SUSD4: variants seen among roughly 807,000 people sequenced by gnomAD.
SUSD4 encodes sushi domain containing 4.
In SUSD4, 41 loss-of-function variants were observed where a neutral mutation model predicts 50.5. The ratio of observed to expected loss-of-function variants is 0.81; its 90% confidence interval spans 0.63 to 1.05. The LOEUF is 1.05. SUSD4 is among the 50% of genes least tolerant of loss of function. The pLI, the probability that SUSD4 is intolerant of heterozygous loss-of-function variation, is 0.00. For missense variants in SUSD4, 580 were observed against 634.7 expected (o/e 0.91, Z 0.93); for synonymous variants, 257 against 257.3 (o/e 1.00, Z 0.01).
At chr1:223,246,662 C>G (rs1400271026) in intron 5 of SUSD4, among the ~76,000 whole-genome samples, 1 of 152,132 alleles carries the variant, frequency 6.6e-6, no homozygotes. Context: ...GTGCTGGACA[C>G]AGGCCTCAGC....
chr1:223,255,712 TC>T (rs2103053180), intron 5 of SUSD4, among the ~76,000 whole-genome samples: 1 of 152,268 alleles, frequency 6.6e-6, no homozygotes, highest in Non-Finnish European at 1.5e-5. Context: ...AAGCCCTCCC[TC>T]TACTGTCCCA....
chr1:223,312,249 G>T (rs1050975980), intron 2 of SUSD4, among the ~76,000 whole-genome samples: 1 of 152,198 alleles, frequency 6.6e-6, no homozygotes, highest in Non-Finnish European at 1.5e-5. Context: ...GGAAGAAAAT[G>T]AAGCAGCTGC....
At chr1:223,267,754 C>T (rs1044461526) in intron 4 of SUSD4, among the ~76,000 whole-genome samples, 2 of 151,922 alleles carry the variant, frequency 1.3e-5, no homozygotes, top group Non-Finnish European at 2.9e-5. Flanking sequence ...AGCTTGAGCA[C>T]GCTGGTGCTT....
chr1:223,261,655 C>G (rs1662128799), intron 5 of SUSD4, among the ~76,000 whole-genome samples: 1 of 152,186 alleles, frequency 6.6e-6, no homozygotes, highest in East Asian at 1.9e-4. Context: ...TACGTAGACA[C>G]AGCTTAGAAT....
chr1:223,261,225 T>C (rs1571911013), intron 5 of SUSD4, among the ~76,000 whole-genome samples: 1 of 152,308 alleles, frequency 6.6e-6, no homozygotes, highest in East Asian at 1.9e-4. Flanking sequence ...ATAACTAAAC[T>C]AGAAAGACAA....
At chr1:223,250,722 C>T (rs1408902713) in intron 5 of SUSD4, among the ~76,000 whole-genome samples, 1 of 152,104 alleles carries the variant, frequency 6.6e-6, no homozygotes, top group African/African-American at 2.4e-5. Context: ...GCCTCCAGAG[C>T]TAGAGGAAAA....
chr1:223,264,609 C>T (rs375419577), intron 5 of SUSD4, 21 bp downstream of exon 5: 65 of 1,611,150 alleles, frequency 4.0e-5, no homozygotes, highest in East Asian at 8.9e-5. Context: ...ATACAACTTC[C>T]GAAAGAATGA....
intron 3 of SUSD4, among the ~76,000 whole-genome samples, chr1:223,272,955 G>T (rs934042959): frequency 6.6e-5 from 10 of 152,164 alleles, no homozygotes; most frequent in African/African-American, 2.4e-4. Flanking sequence ...GAAAGTAGCA[G>T]GCAACACTCA....
chr1:223,251,170 C>G (rs572831847), intron 5 of SUSD4, among the ~76,000 whole-genome samples: 6 of 152,236 alleles, frequency 3.9e-5, no homozygotes, highest in African/African-American at 1.4e-4. Flanking sequence ...ATATCCAAGA[C>G]TGGGTAATTT....
chr1:223,240,652 T>C (rs546257732), intron 5 of SUSD4, among the ~76,000 whole-genome samples: 1 of 152,334 alleles, frequency 6.6e-6, no homozygotes, highest in Admixed American at 6.5e-5. Flanking sequence ...GGCTCTTTCT[T>C]AGGATTTCCA....
At chr1:223,279,018 G>A (rs528343855) in intron 3 of SUSD4, among the ~76,000 whole-genome samples, 7 of 152,310 alleles carry the variant, frequency 4.6e-5, no homozygotes, top group Admixed American at 3.9e-4. Flanking sequence ...GGTCCTGACT[G>A]TTAGAAGGAA....
chr1:223,221,226 A>G lies in SUSD4; in HGVS notation c.*966T>C. The stretch of plus-strand genomic sequence containing the variant: ...TTTGAAGGTCGGATATGTTTACAGA[A>G]ACAATTTCTGTTTTGGAAAATAAAT... On this transcript the variant is annotated 3_prime_UTR_variant, in exon 9 of 9. Transcript: ENST00000366878. 2.5e-6 allele frequency: 1 copy of G among 399,154 alleles called. No homozygotes were observed. Among genetic ancestry groups the G allele is most frequent in the East Asian group, 3.6e-5 (1 of 28,064 alleles). The allele number at this position is 399,154 out of a possible 1,614,324, so 24.7% of individuals were successfully genotyped here.
chr1:223,289,087 G>T (rs1207103612), intron 3 of SUSD4: 1 of 985,052 alleles, frequency 1.0e-6, no homozygotes, highest in African/African-American at 1.7e-5. Context: ...CGGCCAGATG[G>T]TGGCCAGCAC....
At chr1:223,225,383 T>A (rs888741676) in intron 7 of SUSD4, among the ~76,000 whole-genome samples, 3 of 152,092 alleles carry the variant, frequency 2.0e-5, no homozygotes, top group African/African-American at 7.2e-5. Context: ...ACTGACTTTT[T>A]GAAACATCTT....
At chr1:223,293,997 G>A (rs1664668532) in intron 2 of SUSD4, among the ~76,000 whole-genome samples, 1 of 152,272 alleles carries the variant, frequency 6.6e-6, no homozygotes, top group East Asian at 1.9e-4. Context: ...CACAGCGAGG[G>A]CCAGGGATAA....
intron 5 of SUSD4, among the ~76,000 whole-genome samples, chr1:223,252,227 AAAAAAAAAAAT>A (rs201497272): frequency 0.3 from 38,139 of 127,964 alleles, 5,834 homozygotes; most frequent in Non-Finnish European, 0.37. Flanking sequence ...ATTAAAAAAA[AAAAAAAAAAAT>A]ATATATATAT....
chr1:223,305,335 G>T (rs1395096639), intron 2 of SUSD4, among the ~76,000 whole-genome samples: 1 of 152,050 alleles, frequency 6.6e-6, no homozygotes, highest in Non-Finnish European at 1.5e-5. Context: ...CATGTTTCTG[G>T]GCACCCATGA....
intron 5 of SUSD4, among the ~76,000 whole-genome samples, chr1:223,248,148 ACT>A (rs1464401559): frequency 6.6e-6 from 1 of 152,106 alleles, no homozygotes; most frequent in African/African-American, 2.4e-5. Context: ...TCATGAGGAA[ACT>A]CTGTAGCTGA....
chr1:223,334,767 T>C (rs1667366260), intron 2 of SUSD4, among the ~76,000 whole-genome samples: 1 of 152,166 alleles, frequency 6.6e-6, no homozygotes, highest in Non-Finnish European at 1.5e-5. Context: ...TTAGTGGTGA[T>C]TTGTGAGATT....
Sources: gnomAD v4.1 joint callset for allele counts (sites outside exome capture counted in the v4.1 genomes callset) on GRCh38, gnomAD v4.1.1 for gene constraint, MANE v1.5 for transcripts, NCBI Gene and HGNC (gene_info 2026-07-23, HGNC 2026-07-21) for gene names.